Variants in CBR4 observed in about 807,000 individuals in gnomAD.
The protein encoded by CBR4 is 3-oxoacyl-[acyl-carrier-protein] reductase.
In CBR4, 22 loss-of-function variants were observed where a neutral mutation model predicts 21.0. The observed-to-expected ratio is 1.05, with a 90% CI of 0.75 to 1.50. The LOEUF is 1.50. Ranked by LOEUF, CBR4 falls within the 40% of genes most tolerant of loss-of-function variation. CBR4 has a pLI of 0.00. For synonymous variants in CBR4, 100 were observed against 104.4 expected, an observed-to-expected ratio of 0.96 and a Z score of 0.26; for missense variants, 302 against 286.3, an observed-to-expected ratio of 1.05 and a Z score of -0.40.
chr4:168,937,106 A>G (rs1236015714), intron 2 of CBR4, among the ~76,000 whole-genome samples: 1 of 152,190 alleles, frequency 6.6e-6, no homozygotes, highest in Non-Finnish European at 1.5e-5. Flanking sequence ...GACTAACAGC[A>G]GATCTCTCTG....
At chr4:168,978,740 A>G (rs1038020128) in intron 2 of CBR4, among the ~76,000 whole-genome samples, 1 of 152,144 alleles carries the variant, frequency 6.6e-6, no homozygotes, top group Non-Finnish European at 1.5e-5. Context: ...AGCTTTGCCA[A>G]CAAAGGAGGC....
intron 2 of CBR4, among the ~76,000 whole-genome samples, chr4:168,904,739 G>A (rs760518890): frequency 3.3e-5 from 5 of 152,050 alleles, no homozygotes; most frequent in Non-Finnish European, 5.9e-5. Flanking sequence ...TAGAATCTCT[G>A]ATCTACTTAT....
intron 2 of CBR4, among the ~76,000 whole-genome samples, chr4:168,932,361 G>A (rs1762994720): frequency 6.6e-6 from 1 of 151,866 alleles, no homozygotes; most frequent in Non-Finnish European, 1.5e-5. Context: ...TTCTGAACTT[G>A]GAGGTAGGCC....
chr4:168,903,855 C>G, intron 2 of CBR4: 1 of 1,613,832 alleles, frequency 6.2e-7, no homozygotes, highest in Non-Finnish European at 8.5e-7. Flanking sequence ...ATACCACAGC[C>G]TCCACCCTAG....
chr4:168,949,997 T>A (rs1429119580), intron 2 of CBR4, among the ~76,000 whole-genome samples: 5 of 152,216 alleles, frequency 3.3e-5, no homozygotes, highest in Non-Finnish European at 5.9e-5. Flanking sequence ...TATTTGGATT[T>A]TCTCTCTCCT....
At position 168,990,164 on chromosome 4, in the gene CBR4, G is replaced by C; in HGVS notation, c.700C>G (p.Gln234Glu). Residue 234 changes from glutamine (Q) to glutamate (E), a missense_variant, in exon 5 of 5, where the codon CAA becomes GAA. Coordinates refer to ENST00000306193, the MANE Select transcript of CBR4 (RefSeq NM_032783.5). ...TAATCTGCAAATTACAAAATGAGTT[G>C]TAATCCCCCATCCACTACCAGAACA... is the stretch of plus-strand genomic sequence containing the variant. Reference protein sequence around the residue: ...GHVLVVDGGLQLIL With the variant: ...GHVLVVDGGLELIL The C allele has an allele frequency of 6.3e-7, 1 of 1,599,188 alleles. No homozygotes were observed. The highest frequency in any genetic ancestry group is 1.1e-5 in the South Asian group (1 of 88,772).
At chr4:168,985,014 T>C (rs759513883), downstream of CBR4, among the ~76,000 whole-genome samples, 1 of 152,068 alleles carries the variant, frequency 6.6e-6, no homozygotes, top group Admixed American at 6.6e-5. Flanking sequence ...AAAAACTTGA[T>C]GAAGATTCCA....
Position 168,989,259 on chromosome 4 carries a change from T to TA in CBR4, c.*890_*891insT. 1 of 983,664 alleles carries TA rather than the reference T, an allele frequency of 1.0e-6. No homozygotes were observed. Among genetic ancestry groups the TA allele is most frequent in the Non-Finnish European group, 1.2e-6 (1 of 828,296 alleles). 60.9% of individuals were successfully genotyped at this position (983,664 alleles called of 1,614,324 possible). A position where few individuals can be genotyped will look rare whatever the true frequency, so the allele number is the denominator to read the frequency against. On this transcript the variant is annotated 3_prime_UTR_variant, in exon 5 of 5. Coordinates refer to ENST00000306193, the MANE Select transcript of CBR4 (RefSeq NM_032783.5). ...GTTTTTAAATATTAATAGTTCACTA[T>TA]TCTAAGTTTTTCATGAATAAAAAAC...
Position 168,940,979 on chromosome 4 carries a change from C to T in CBR4, n.170-46214G>A, listed in dbSNP as rs570213156. Among the ~76,000 whole-genome samples, 20 of 152,274 alleles carry T rather than the reference C, an allele frequency of 1.3e-4. No homozygotes were observed. The East Asian group carries it at 2.5e-3, about 19-fold the overall frequency. ...CATTCTACTATAAAGACAACGCACA[C>T]GTATGTATACTGCAGCACTGTTCAC... On this transcript the variant is annotated intron_variant and non_coding_transcript_variant, in intron 2 of 3. Coordinates refer to the CBR4 transcript ENST00000509108.
chr4:169,009,853 C>T (rs977813902), intron 1 of CBR4, 95 bp downstream of exon 1: 5 of 1,188,338 alleles, frequency 4.2e-6, no homozygotes, highest in African/African-American at 1.5e-5. Context: ...AACCCTAGAG[C>T]CCTAAAGGCC....
At chr4:168,993,601 G>A (rs778321034) in intron 4 of CBR4, among the ~76,000 whole-genome samples, 4 of 152,158 alleles carry the variant, frequency 2.6e-5, no homozygotes, top group Non-Finnish European at 5.9e-5. Flanking sequence ...AATAAAAATT[G>A]TCAAAAACAT....
rs1314008029 is a variant in CBR4 at position 168,924,904 on chromosome 4, T to A, written n.170-30139A>T. On this transcript the variant is annotated intron_variant and non_coding_transcript_variant, in intron 2 of 3. Transcript: ENST00000509108. ...GATGCTTCATGTCCAAAGCCACTTT[T>A]AAAAAATTTAGAACCCTAATGACTT... is the stretch of plus-strand genomic sequence containing the variant. 4 of 1,613,012 alleles carry A rather than the reference T, an allele frequency of 2.5e-6. No homozygotes were observed. The South Asian group carries it at 3.3e-5, about 13-fold the overall frequency.
rs556406259 is a variant in CBR4, at chr4:168,913,680, G to C, written n.170-18915C>G. Among the ~76,000 whole-genome samples the C allele has an allele frequency of 2.8e-3, 421 of 151,862 alleles. 3 individuals carry two copies. The highest frequency in any genetic ancestry group is 9.9e-3 in the African/African-American group (409 of 41,420). On this transcript the variant is annotated intron_variant and non_coding_transcript_variant, in intron 2 of 3. Coordinates refer to the CBR4 transcript ENST00000509108. ...TTTAAATACCATCCTAGATAAAACA[G>C]TAAAGCTTATTTAAGAGTTCCAAAA...
At chr4:168,997,457 A>C (rs539566150) in intron 4 of CBR4, among the ~76,000 whole-genome samples, 5 of 152,252 alleles carry the variant, frequency 3.3e-5, no homozygotes, top group Admixed American at 6.5e-5. Context: ...GATATAGGCC[A>C]GGTGTGGTGG....
At chr4:168,941,905 T>C (rs1763273845) in intron 2 of CBR4, among the ~76,000 whole-genome samples, 1 of 152,198 alleles carries the variant, frequency 6.6e-6, no homozygotes, top group South Asian at 2.1e-4. Flanking sequence ...GGATTATAAA[T>C]CATTCTACTA....
intron 2 of CBR4, among the ~76,000 whole-genome samples, chr4:168,977,446 G>C (rs1764406361): frequency 6.6e-6 from 1 of 152,120 alleles, no homozygotes; most frequent in South Asian, 2.1e-4. Flanking sequence ...TGCTGCTGGT[G>C]TTCCTCAAGG....
intron 2 of CBR4, chr4:168,927,449 T>C (rs1582270119): frequency 4.3e-6 from 1 of 232,824 alleles, no homozygotes; most frequent in Non-Finnish European, 8.5e-6. Context: ...GTTTGTGTAG[T>C]AGTGGAAGAT....
At chr4:168,917,292 C>T (rs990710641) in intron 2 of CBR4, among the ~76,000 whole-genome samples, 1 of 152,122 alleles carries the variant, frequency 6.6e-6, no homozygotes, top group African/African-American at 2.4e-5. Flanking sequence ...TCGTGATCCG[C>T]CCTCCTCGGC....
rs548951283 is a variant in CBR4 at position 168,928,351 on chromosome 4, T to C, written n.170-33586A>G. On this transcript the variant is annotated intron_variant and non_coding_transcript_variant, in intron 2 of 3. Coordinates refer to the CBR4 transcript ENST00000509108. ...TAAAAAAAAAAGTACTATCAATCAA[T>C]CATACTACTTTGGATTGTTGTGCTG... is the stretch of plus-strand genomic sequence containing the variant. 2.0e-4 allele frequency: 37 copies of C among 180,682 alleles called. No homozygotes were observed. The highest frequency in any genetic ancestry group is 3.1e-4 in the Non-Finnish European group (26 of 84,924). 11.2% of individuals were successfully genotyped at this position (180,682 alleles called of 1,614,324 possible).
Sources: gnomAD v4.1 joint callset for allele counts (sites outside exome capture counted in the v4.1 genomes callset) on GRCh38, gnomAD v4.1.1 for gene constraint, MANE v1.5 for transcripts, NCBI Gene and HGNC (gene_info 2026-07-23, HGNC 2026-07-21) for gene names.